The following DNAJB6 variants were observed in gnomAD, a reference collection of about 807,000 sequenced individuals.
DNAJB6 encodes dnaJ homolog subfamily B member 6.
Under a neutral mutation model 42.7 loss-of-function variants are expected in DNAJB6, and 16 were observed. The observed-to-expected ratio is 0.37, with a 90% confidence interval of 0.25 to 0.57. The LOEUF (loss-of-function observed/expected upper bound fraction) is 0.57, where lower values mean the gene tolerates loss of function less well. Ranked by LOEUF, DNAJB6 falls within the 20% of genes least tolerant of loss-of-function variation. The probability of loss-of-function intolerance (pLI) is 0.74; values close to 1 mark genes in which losing one functional copy is unlikely to be tolerated. For missense variants in DNAJB6, 347 were observed against 416.8 expected (o/e 0.83, Z 1.46); for synonymous variants, 170 against 163.5 (o/e 1.04, Z -0.30).
intron 8 of DNAJB6, among the ~76,000 whole-genome samples, chr7:157,389,241 T>C (rs1801224128): frequency 6.6e-6 from 1 of 152,244 alleles, no homozygotes; most frequent in Non-Finnish European, 1.5e-5. Flanking sequence ...TATCATTTCT[T>C]TCCGGGAATA....
intron 1 of DNAJB6, among the ~76,000 whole-genome samples, chr7:157,341,006 G>GCGCA (rs764073499): frequency 1.4e-5 from 2 of 142,582 alleles, no homozygotes; most frequent in Non-Finnish European, 3.1e-5. Context: ...GTGCGCGCGC[G>GCGCA]CAGGTGGAAT....
chr7:157,393,724 A>G (rs1479605360), intron 8 of DNAJB6, among the ~76,000 whole-genome samples: 1 of 152,122 alleles, frequency 6.6e-6, no homozygotes, highest in Non-Finnish European at 1.5e-5. Flanking sequence ...ACGTATTTGT[A>G]GGGTGCATGT....
At chr7:157,373,725 C>T (rs958485100) in intron 5 of DNAJB6, among the ~76,000 whole-genome samples, 1 of 152,138 alleles carries the variant, frequency 6.6e-6, no homozygotes, top group Non-Finnish European at 1.5e-5. Flanking sequence ...CAGATTGGAT[C>T]GGTGTGTGCT....
intron 2 of DNAJB6, among the ~76,000 whole-genome samples, chr7:157,362,514 A>G (rs1799654781): frequency 6.6e-6 from 1 of 152,106 alleles, no homozygotes; most frequent in African/African-American, 2.4e-5. Context: ...AGCTGGGATT[A>G]CAGTCAAGTA....
At chr7:157,348,992 C>T (rs1217067598) in intron 1 of DNAJB6, among the ~76,000 whole-genome samples, 2 of 152,224 alleles carry the variant, frequency 1.3e-5, no homozygotes, top group Admixed American at 6.5e-5. Context: ...TTCCTTTCCT[C>T]ATGGTCTCTA....
chr7:157,375,879 G>A (rs1456862962), intron 5 of DNAJB6, among the ~76,000 whole-genome samples: 2 of 152,208 alleles, frequency 1.3e-5, no homozygotes, highest in Non-Finnish European at 2.9e-5. Context: ...TGAGGAGAGA[G>A]TGACATATTT....
At chr7:157,410,223 G>A in intron 9 of DNAJB6, 5 of 1,139,134 alleles carry the variant, frequency 4.4e-6, no homozygotes, top group South Asian at 1.8e-5. Flanking sequence ...AACGGGGTCC[G>A]CGTGTCCTGT....
chr7:157,371,867 T>C (rs1419635822), intron 5 of DNAJB6, among the ~76,000 whole-genome samples: 5 of 152,184 alleles, frequency 3.3e-5, no homozygotes, highest in Non-Finnish European at 7.3e-5. Flanking sequence ...GAAAAGCCTG[T>C]GGGTTTAACT....
intron 1 of DNAJB6, among the ~76,000 whole-genome samples, chr7:157,352,912 G>A (rs1050373749): frequency 2.6e-5 from 4 of 152,036 alleles, no homozygotes; most frequent in African/African-American, 7.2e-5. Context: ...GAACATTACT[G>A]CTTCCCTGTA....
intron 9 of DNAJB6, chr7:157,410,642 C>G (rs1795941499): frequency 6.5e-6 from 1 of 153,884 alleles, no homozygotes; most frequent in Non-Finnish European, 1.4e-5. Context: ...TCCTAAAGCC[C>G]AGGGTCCATG....
chr7:157,346,948 C>T lies in DNAJB6; in HGVS notation c.-27+9804C>T, dbSNP rs564874845. ...TCGGCGCACTGCAAGCTCCACCTCT[C>T]GGGTTCACACCGTTCTCCTGCCTCA... On this transcript the variant is annotated intron_variant, in intron 1 of 9. Transcript: ENST00000262177. Among the ~76,000 whole-genome samples the T allele has an allele frequency of 4.3e-3, 660 of 152,320 alleles. 5 individuals carry two copies. Among genetic ancestry groups the T allele is most frequent in the African/African-American group, 0.015 (615 of 41,560 alleles).
chr7:157,374,152 C>T (rs1469746143), intron 5 of DNAJB6, among the ~76,000 whole-genome samples: 3 of 151,550 alleles, frequency 2.0e-5, no homozygotes, highest in South Asian at 2.1e-4. Flanking sequence ...GGCATCCCCA[C>T]GCGCTCTTCC....
chr7:157,353,749 A>G (rs560449762), intron 1 of DNAJB6, among the ~76,000 whole-genome samples: 2 of 151,896 alleles, frequency 1.3e-5, no homozygotes, highest in Admixed American at 6.6e-5. Flanking sequence ...AGCCTTGACA[A>G]CCTTCCTGGC....
chr7:157,362,087 C>T (rs780254484), intron 2 of DNAJB6, among the ~76,000 whole-genome samples: 10 of 151,914 alleles, frequency 6.6e-5, no homozygotes, highest in African/African-American at 9.7e-5. Context: ...ATTTAAATAG[C>T]GTGCAATTAT....
intron 9 of DNAJB6, chr7:157,411,254 ACGGTTCCCTGCACTGAGCGGGCGTGG>A: frequency 3.3e-4 from 1 of 3,016 alleles, no homozygotes; most frequent in Non-Finnish European, 7.2e-4. Flanking sequence ...GAGACTCCCC[ACGGTTCCCTGCACTGAGCGGGCGTGG>A]GGAAGGTTCC....
chr7:157,409,752 C>T (rs1386183916), intron 8 of DNAJB6, 43 bp from the exon 9 acceptor site: 1 of 1,484,540 alleles, frequency 6.7e-7, no homozygotes, highest in South Asian at 1.3e-5. Flanking sequence ...GGGCCGGCCG[C>T]CGCCGCTCAC....
At chr7:157,385,054 C>T (rs1033151671) in intron 7 of DNAJB6, 46 bp downstream of exon 7, 42 of 1,583,516 alleles carry the variant, frequency 2.7e-5, no homozygotes, top group Admixed American at 1.0e-4. Flanking sequence ...GCAGGCGTAA[C>T]GTTTCACTGG....
intron 1 of DNAJB6, among the ~76,000 whole-genome samples, chr7:157,354,147 G>GT (rs1433914507): frequency 6.6e-6 from 1 of 151,990 alleles, no homozygotes; most frequent in Non-Finnish European, 1.5e-5. Context: ...ATTTTTGTTT[G>GT]TTTTTTTCGA....
At chr7:157,362,536 G>A (rs192953402) in intron 2 of DNAJB6, among the ~76,000 whole-genome samples, 10 of 152,092 alleles carry the variant, frequency 6.6e-5, no homozygotes, top group African/African-American at 1.9e-4. Flanking sequence ...CACAATGCCC[G>A]GCTAATTTTG....
Sources: allele counts gnomAD v4.1 joint callset (sites outside exome capture counted in the v4.1 genomes callset), GRCh38; gene constraint gnomAD v4.1.1; transcripts MANE v1.5; gene names NCBI Gene and HGNC (gene_info 2026-07-23, HGNC 2026-07-21).